Variants in APOBEC3F observed in about 807,000 individuals in gnomAD.
APOBEC3F encodes apolipoprotein B mRNA editing enzyme catalytic subunit 3F, also known as DNA dC->dU-editing enzyme APOBEC-3F.
Under a neutral mutation model 45.8 loss-of-function variants are expected in APOBEC3F, and 34 were observed. The observed-to-expected ratio is 0.74, with a 90% CI of 0.57 to 0.99. The LOEUF (loss-of-function observed/expected upper bound fraction) is 0.99, where lower values mean the gene tolerates loss of function less well. Ranked by LOEUF, APOBEC3F falls within the 50% of genes least tolerant of loss-of-function variation. The pLI is 0.00. For synonymous variants in APOBEC3F, 192 were observed against 174.4 expected, an observed-to-expected ratio of 1.10 and a Z score of -0.80; for missense variants, 459 against 474.1, an observed-to-expected ratio of 0.97 and a Z score of 0.30.
In APOBEC3F at chr22:39,054,774, A is replaced by T. The variant is rs577650300; in HGVS notation, c.*2079A>T. On this transcript the variant is annotated 3_prime_UTR_variant, in exon 7 of 7. Coordinates refer to ENST00000308521, the MANE Select transcript of APOBEC3F (RefSeq NM_145298.6). The stretch of plus-strand genomic sequence containing the variant: ...TTCTCCACACTTTAAATTTGACTTG[A>T]CATTTTCTAGGCAGATATAAGTTAT... Among the ~76,000 whole-genome samples the T allele has an allele frequency of 6.6e-6, 1 of 152,340 alleles. No individual in the cohort carries two copies. The highest frequency in any genetic ancestry group is 2.4e-5 in the African/African-American group (1 of 41,586).
rs2146348019 is a variant in APOBEC3F, at chr22:39,049,524, G to C, written c.666G>C (p.Met222Ile). 3.1e-6 allele frequency: 5 copies of C among 1,614,044 alleles called. No individual in the cohort carries two copies. In the South Asian group the frequency reaches 5.5e-5, roughly 18 times the overall value. The change falls in exon 5 of 7, where the codon ATG (methionine) becomes ATC (isoleucine). Residue 222 changes from methionine (M) to isoleucine (I), a missense_variant. By Grantham distance (10) the Met-to-Ile change is conservative. Transcript: ENST00000308521. ...ACGAAAGCTGGCTGTGCTTCACCAT[G>C]GAAGTTGTAAAGCACCACTCACCTG... is the stretch of plus-strand genomic sequence containing the variant. ...GRNESWLCFT[M>I]EVVKHHSPVS...
chr22:39,051,825 G>A (rs1927501549), intron 5 of APOBEC3F, among the ~76,000 whole-genome samples: 3 of 152,138 alleles, frequency 2.0e-5, no homozygotes. Context: ...GTGGTGGCAC[G>A]CACCTGCAGT....
At chr22:39,049,750 A>G (rs1927395050) in intron 5 of APOBEC3F, among the ~76,000 whole-genome samples, 169 bp downstream of exon 5, 1 of 143,490 alleles carries the variant, frequency 7.0e-6, no homozygotes, top group Admixed American at 7.3e-5. Context: ...CCCAGGCTGG[A>G]GTGCAATGGC....
At chr22:39,041,260 C>T (rs1926875450) in intron 1 of APOBEC3F, among the ~76,000 whole-genome samples, 1 of 152,172 alleles carries the variant, frequency 6.6e-6, no homozygotes, top group African/African-American at 2.4e-5. Context: ...TGCTCCCGGC[C>T]CTGGGAGGGT....
chr22:39,051,977 G>A lies in APOBEC3F; in HGVS notation c.724-97G>A, dbSNP rs531341271. The A allele has an allele frequency of 2.0e-6, 3 of 1,522,790 alleles. No individual in the cohort carries two copies. The East Asian group carries it at 6.8e-5, about 35-fold the overall frequency. 94.3% of individuals were successfully genotyped at this position (1,522,790 alleles called of 1,614,324 possible). The stretch of plus-strand genomic sequence containing the variant: ...TCAAAAATAAATAAGGAAACGCCCT[G>A]GGGCTCCAGGCCCGCCCTCTGCTCC... On this transcript the variant is annotated intron_variant, in intron 5 of 6. Transcript: ENST00000308521.
At chr22:39,047,087 C>A (rs1163159887) in intron 4 of APOBEC3F, among the ~76,000 whole-genome samples, 1 of 152,024 alleles carries the variant, frequency 6.6e-6, no homozygotes, top group Non-Finnish European at 1.5e-5. Flanking sequence ...CAGGGAACAA[C>A]TCTGGGCAGG....
At chr22:39,044,509 G>A (rs1350422333) in intron 2 of APOBEC3F, 3 of 755,910 alleles carry the variant, frequency 4.0e-6, no homozygotes, top group Non-Finnish European at 5.7e-6. Flanking sequence ...GGTAAAGGTT[G>A]TTGCCAGAAG....
Position 39,045,690 on chromosome 22 carries a change from CT to C in APOBEC3F, c.566+150del, listed in dbSNP as rs1325507163. ...CCCCTCACCCACACTCCTTGTGCTC[CT>C]TCCCCTTCTTGCCTCCTCCCTCTTT... On this transcript the variant is annotated intron_variant, in intron 4 of 6. Transcript: ENST00000308521. The C allele has an allele frequency of 2.1e-6, 3 of 1,423,778 alleles. No homozygotes were observed. In the African/African-American group the frequency reaches 4.3e-5, roughly 20 times the overall value. 88.2% of individuals were successfully genotyped at this position (1,423,778 alleles called of 1,614,324 possible). A position where few individuals can be genotyped will look rare whatever the true frequency, so the allele number is the denominator to read the frequency against.
intron 2 of APOBEC3F, chr22:39,043,948 C>A: frequency 7.8e-7 from 1 of 1,284,958 alleles, no homozygotes; most frequent in Non-Finnish European, 1.0e-6. Flanking sequence ...CCGCTTGAAC[C>A]CATGAGGCAG....
intron 2 of APOBEC3F, chr22:39,043,993 C>A: frequency 6.9e-7 from 1 of 1,445,842 alleles, no homozygotes; most frequent in South Asian, 1.5e-5. Flanking sequence ...TCATTGCACT[C>A]CAGCCTGGGC....
chr22:39,052,690 G>C lies in APOBEC3F; in HGVS notation c.1117G>C (p.Glu373Gln). 1.2e-6 allele frequency: 2 copies of C among 1,612,512 alleles called. No individual in the cohort carries two copies. Among genetic ancestry groups the C allele is most frequent in the Non-Finnish European group, 8.5e-7 (1 of 1,179,000 alleles). Reference protein sequence around the residue: ...FLDSKLQEILE With the variant: ...FLDSKLQEILQ Reference sequence around the variant, plus strand: ...GGACAGCAAGCTGCAGGAGATTCTCGAGTGAGGGGTCTCCCCGGGCCTCAT... The same window carrying C: ...GGACAGCAAGCTGCAGGAGATTCTCCAGTGAGGGGTCTCCCCGGGCCTCAT... The change falls in exon 7 of 7, where the codon GAG becomes CAG. Residue 373 changes from glutamate (E) to glutamine (Q), a missense_variant. Coordinates refer to ENST00000308521, the MANE Select transcript of APOBEC3F (RefSeq NM_145298.6).
Position 39,044,998 on chromosome 22 carries a change from A to T in APOBEC3F, c.229A>T (p.Asn77Tyr). ...GTGCTTCCTCTCTTGGTTCTGTGGC[A>T]ACCAGCTGCCTGCTTACAAGTGTTT... ...EMCFLSWFCG[N>Y]QLPAYKCFQI... The change falls in exon 3 of 7, where the codon AAC becomes TAC. Residue 77 changes from asparagine (N) to tyrosine (Y), a missense_variant. By Grantham distance (143) the Asn-to-Tyr change is moderately radical. Coordinates refer to ENST00000308521, the MANE Select transcript of APOBEC3F (RefSeq NM_145298.6). 1 of 1,613,866 alleles carries T rather than the reference A, an allele frequency of 6.2e-7. No individual in the cohort carries two copies. The highest frequency in any genetic ancestry group is 8.5e-7 in the Non-Finnish European group (1 of 1,179,970).
intron 4 of APOBEC3F, among the ~76,000 whole-genome samples, chr22:39,049,202 AG>A (rs1214284162): frequency 3.3e-5 from 5 of 152,222 alleles, no homozygotes; most frequent in Non-Finnish European, 5.9e-5. Flanking sequence ...TGGGAGGTTG[AG>A]GGTGTCCCAT....
chr22:39,045,380 GC>G (rs949727448), intron 3 of APOBEC3F, 47 bp from the exon 4 acceptor site: 3 of 1,613,610 alleles, frequency 1.9e-6, no homozygotes, highest in Non-Finnish European at 1.7e-6. Context: ...GGGAGCGCGG[GC>G]CCAGGGTCAG....
chr22:39,042,310 C>CTTT (rs759396493), intron 1 of APOBEC3F, among the ~76,000 whole-genome samples: 26 of 94,382 alleles, frequency 2.8e-4, no homozygotes, highest in African/African-American at 6.5e-4. Flanking sequence ...TTCTCTCTCT[C>CTTT]TTTTTTTTTT....
At chr22:39,051,545 AAAAAAAGAAAG>A (rs1350966104) in intron 5 of APOBEC3F, among the ~76,000 whole-genome samples, 1 of 151,814 alleles carries the variant, frequency 6.6e-6, no homozygotes, top group Admixed American at 6.6e-5. Flanking sequence ...TCAAAAAAAA[AAAAAAAGAAAG>A]AAAAAGAAAA....
Position 39,049,445 on chromosome 22 carries a change from A to C in APOBEC3F, c.587A>C (p.Tyr196Ser). 4 of 1,614,102 alleles carry C rather than the reference A, an allele frequency of 2.5e-6. No homozygotes were observed. Among genetic ancestry groups the C allele is most frequent in the Non-Finnish European group, 3.4e-6 (4 of 1,179,998 alleles). ...TTCAGAAACCCGATGGAGGCAATGT[A>C]TCCACACATATTCTACTTCCACTTT... ...EILRNPMEAMYPHIFYFHFKN... is the reference protein window; with the variant it reads ...EILRNPMEAMSPHIFYFHFKN... Residue 196 changes from tyrosine to serine, a missense_variant, in exon 5 of 7, where the codon TAT (tyrosine) becomes TCT (serine). Transcript: ENST00000308521.
chr22:39,051,419 C>A (rs1379966748), intron 5 of APOBEC3F, among the ~76,000 whole-genome samples: 2 of 151,756 alleles, frequency 1.3e-5, no homozygotes, highest in African/African-American at 4.8e-5. Flanking sequence ...CGCCTGTAGT[C>A]CCAGCTACTT....
chr22:39,052,990 T>A lies in APOBEC3F; in HGVS notation c.*295T>A, dbSNP rs35913889. 5.5e-3 allele frequency: 1,450 copies of A among 265,760 alleles called. 19 individuals are homozygous for A. Among genetic ancestry groups the A allele is most frequent in the African/African-American group, 0.031 (1,254 of 40,252 alleles). 16.5% of individuals were successfully genotyped at this position (265,760 alleles called of 1,614,324 possible). On this transcript the variant is annotated 3_prime_UTR_variant, in exon 7 of 7. Coordinates refer to ENST00000308521, the MANE Select transcript of APOBEC3F (RefSeq NM_145298.6). ...CCATCTCCCCAGCATAACCTAATAT[T>A]TTTTTTTTTTTTTTGAGACGGAATT...
Sources: gnomAD v4.1 joint callset for allele counts (sites outside exome capture counted in the v4.1 genomes callset) on GRCh38, gnomAD v4.1.1 for gene constraint, MANE v1.5 for transcripts, NCBI Gene and HGNC (gene_info 2026-07-23, HGNC 2026-07-21) for gene names.